CNTNAP5: variants seen among roughly 807,000 people sequenced by gnomAD.
CNTNAP5 encodes contactin-associated protein-like 5.
Under a neutral mutation model 150.2 loss-of-function variants are expected in CNTNAP5, and 72 were observed. The ratio of observed to expected loss-of-function variants is 0.48; its 90% confidence interval spans 0.40 to 0.58. The LOEUF is 0.58. Ranked by LOEUF, CNTNAP5 falls within the 20% of genes least tolerant of loss-of-function variation. The pLI, the probability that CNTNAP5 is intolerant of heterozygous loss-of-function variation, is 0.00. For synonymous variants in CNTNAP5, 672 were observed against 619.8 expected (o/e 1.08, Z -1.25); for missense variants, 1,636 against 1,626.2 (o/e 1.01, Z -0.10).
rs1402271493 is a variant in CNTNAP5 at position 124,262,853 on chromosome 2, A to G, written c.381+20460A>G. On this transcript the variant is annotated intron_variant, in intron 3 of 23. Coordinates refer to ENST00000682447, the MANE Select transcript of CNTNAP5 (RefSeq NM_001367498.1). ...TGTGATGTTCCCCTTCCTGGGTCCAAGTGTTCTCATTGTTCAATTCCCACC... is the reference window on the plus strand; with the variant it reads ...TGTGATGTTCCCCTTCCTGGGTCCAGGTGTTCTCATTGTTCAATTCCCACC... 2.4e-5 allele frequency among the ~76,000 whole-genome samples: 3 copies of G among 126,606 alleles called. No individual in the cohort carries two copies. The Admixed American group carries it at 3.1e-4, about 13-fold the overall frequency. 83.1% of individuals were successfully genotyped at this position (126,606 alleles called of 152,430 possible). A position where few individuals can be genotyped will look rare whatever the true frequency, so the allele number is the denominator to read the frequency against.
At chr2:124,057,044 A>G (rs1681868421) in intron 1 of CNTNAP5, among the ~76,000 whole-genome samples, 1 of 152,060 alleles carries the variant, frequency 6.6e-6, no homozygotes, top group Admixed American at 6.5e-5. Context: ...TTGATTGATA[A>G]TTACTCAATG....
chr2:124,859,670 C>T (rs1677467065), intron 19 of CNTNAP5, among the ~76,000 whole-genome samples: 1 of 152,110 alleles, frequency 6.6e-6, no homozygotes. Flanking sequence ...AAATGTCCAT[C>T]AATGATAGAC....
At chr2:124,878,251 C>T (rs923897871) in intron 21 of CNTNAP5, among the ~76,000 whole-genome samples, 1 of 152,112 alleles carries the variant, frequency 6.6e-6, no homozygotes, top group Non-Finnish European at 1.5e-5. Flanking sequence ...GCTTTGGAAT[C>T]AGCTCTGGGT....
intron 13 of CNTNAP5, among the ~76,000 whole-genome samples, chr2:124,743,220 C>T (rs1462043760): frequency 6.6e-6 from 1 of 152,116 alleles, no homozygotes. Flanking sequence ...GGTTTAATAA[C>T]CCCATTTGGT....
intron 13 of CNTNAP5, among the ~76,000 whole-genome samples, chr2:124,688,897 T>G (rs1679246377): frequency 6.6e-6 from 1 of 152,106 alleles, no homozygotes. Context: ...AAAAGTTAGC[T>G]GTAAAACACG....
chr2:124,702,568 G>A (rs1284596944), intron 13 of CNTNAP5, among the ~76,000 whole-genome samples: 2 of 151,526 alleles, frequency 1.3e-5, no homozygotes, highest in Non-Finnish European at 2.9e-5. Flanking sequence ...GAGTTTAATA[G>A]TGCCAATTCC....
Position 124,069,715 on chromosome 2 carries a change from C to A in CNTNAP5, c.82+43983C>A, listed in dbSNP as rs115047334. On this transcript the variant is annotated intron_variant, in intron 1 of 23. Transcript: ENST00000682447. Reference sequence around the variant, plus strand: ...CCTGTGCCTGATAATCCAGAGAATTCTTTCAGATCTTATCCAAGATCACCA... The same window carrying A: ...CCTGTGCCTGATAATCCAGAGAATTATTTCAGATCTTATCCAAGATCACCA... Among the ~76,000 whole-genome samples the A allele has an allele frequency of 5.3e-3, 800 of 152,218 alleles. 5 individuals are homozygous for A. The highest frequency in any genetic ancestry group is 0.018 in the African/African-American group (745 of 41,532).
At chr2:124,486,824 C>T (rs1693892067) in intron 7 of CNTNAP5, among the ~76,000 whole-genome samples, 1 of 151,964 alleles carries the variant, frequency 6.6e-6, no homozygotes, top group South Asian at 2.1e-4. Context: ...TATTATAGGC[C>T]CATGTAATTT....
At chr2:124,537,559 T>C (rs188476168) in intron 10 of CNTNAP5, among the ~76,000 whole-genome samples, 108 of 152,232 alleles carry the variant, frequency 7.1e-4, no homozygotes, top group African/African-American at 2.6e-3. Context: ...TTGCCAGGAA[T>C]GACTGTCTTG....
At chr2:124,913,221 T>A (rs988893603) in intron 23 of CNTNAP5, among the ~76,000 whole-genome samples, 1 of 152,102 alleles carries the variant, frequency 6.6e-6, no homozygotes, top group Admixed American at 6.6e-5. Flanking sequence ...AAGTAAATTC[T>A]TTGCTTATCA....
intron 3 of CNTNAP5, among the ~76,000 whole-genome samples, chr2:124,323,928 A>G (rs1689157716): frequency 6.6e-6 from 1 of 152,016 alleles, no homozygotes; most frequent in South Asian, 2.1e-4. Flanking sequence ...AGAGCAATAG[A>G]GATTTGAGGT....
intron 13 of CNTNAP5, among the ~76,000 whole-genome samples, chr2:124,686,543 A>G (rs1032212133): frequency 6.6e-6 from 1 of 152,126 alleles, no homozygotes; most frequent in African/African-American, 2.4e-5. Context: ...TTTGTTCCAG[A>G]TGAGCCCAGC....
At chr2:124,849,011 T>G (rs939893447) in intron 19 of CNTNAP5, among the ~76,000 whole-genome samples, 2 of 152,198 alleles carry the variant, frequency 1.3e-5, no homozygotes, top group Non-Finnish European at 2.9e-5. Context: ...CATTTATTTA[T>G]TTTGGATTTT....
chr2:124,709,997 A>G (rs1468301799), intron 13 of CNTNAP5, among the ~76,000 whole-genome samples: 3 of 149,860 alleles, frequency 2.0e-5, no homozygotes, highest in South Asian at 2.2e-4. Context: ...ACTTTAAAAA[A>G]TTTCCTACAA....
chr2:124,254,421 C>T (rs898519565), intron 3 of CNTNAP5, among the ~76,000 whole-genome samples: 60 of 152,188 alleles, frequency 3.9e-4, no homozygotes, highest in African/African-American at 1.3e-3. Context: ...CCTTTCGTGG[C>T]TCCTGCGCAG....
intron 5 of CNTNAP5, among the ~76,000 whole-genome samples, chr2:124,440,417 C>T (rs1325649581): frequency 6.6e-6 from 1 of 151,970 alleles, no homozygotes; most frequent in Non-Finnish European, 1.5e-5. Context: ...CTGAAATTCA[C>T]AGATTATGAA....
intron 3 of CNTNAP5, among the ~76,000 whole-genome samples, chr2:124,312,345 A>T (rs1262640472): frequency 6.6e-6 from 1 of 151,858 alleles, no homozygotes; most frequent in Non-Finnish European, 1.5e-5. Context: ...TTCTTTTTTT[A>T]TTTTTATTTT....
chr2:124,482,174 T>C lies in CNTNAP5; in HGVS notation c.1062+7292T>C, dbSNP rs75916553. Among the ~76,000 whole-genome samples the C allele has an allele frequency of 9.7e-3, 1,481 of 152,240 alleles. 13 individuals are homozygous for C. The highest frequency in any genetic ancestry group is 0.016 in the Non-Finnish European group (1,115 of 68,014). On this transcript the variant is annotated intron_variant, in intron 7 of 23. Transcript: ENST00000682447. ...AATAAACGCAATGACCACTCCCCCA[T>C]TCGAAGATCCTGTATTTCAGAGAGC... is the stretch of plus-strand genomic sequence containing the variant.
chr2:124,880,603 G>T (rs186553087), intron 21 of CNTNAP5, among the ~76,000 whole-genome samples: 1 of 152,062 alleles, frequency 6.6e-6, no homozygotes, highest in Non-Finnish European at 1.5e-5. Flanking sequence ...TCAGTAAATT[G>T]CTCCCTAACA....
Sources: allele counts gnomAD v4.1 joint callset (sites outside exome capture counted in the v4.1 genomes callset), GRCh38; gene constraint gnomAD v4.1.1; transcripts MANE v1.5; gene names NCBI Gene and HGNC (gene_info 2026-07-23, HGNC 2026-07-21).